LIN28A: variants seen among roughly 807,000 people sequenced by gnomAD.
LIN28A encodes lin-28 RNA binding posttranscriptional regulator A.
Under a neutral mutation model 21.1 loss-of-function variants are expected in LIN28A, and 11 were observed. The ratio of observed to expected loss-of-function variants is 0.52; its 90% confidence interval spans 0.33 to 0.86. The LOEUF is 0.86. Ranked by LOEUF, LIN28A falls within the 40% of genes least tolerant of loss-of-function variation. The pLI, the probability that LIN28A is intolerant of heterozygous loss-of-function variation, is 0.03. For synonymous variants in LIN28A, 111 were observed against 108.7 expected, an observed-to-expected ratio of 1.02 and a Z score of -0.13; for missense variants, 219 against 279.8, an observed-to-expected ratio of 0.78 and a Z score of 1.55.
chr1:26,410,877 G>T lies in LIN28A; in HGVS notation c.-15G>T. On this transcript the variant is annotated 5_prime_UTR_variant, in exon 1 of 4. Transcript: ENST00000326279. ...CCCGACCAGGGGCCCGGGGCCACGG[G>T]CTCAGCCGACGACCATGGGCTCCGT... 1 of 1,611,882 alleles carries T rather than the reference G, an allele frequency of 6.2e-7. No individual in the cohort carries two copies. The highest frequency in any genetic ancestry group is 2.2e-5 in the East Asian group (1 of 44,706).
At position 26,410,875 on chromosome 1, in the gene LIN28A, G is replaced by C. The variant is rs1227236111; in HGVS notation, c.-17G>C. The C allele has an allele frequency of 6.2e-6, 10 of 1,611,916 alleles. No homozygotes were observed. Among genetic ancestry groups the C allele is most frequent in the African/African-American group, 1.3e-5 (1 of 74,860 alleles). ...CGCCCGACCAGGGGCCCGGGGCCAC[G>C]GGCTCAGCCGACGACCATGGGCTCC... On this transcript the variant is annotated 5_prime_UTR_variant, in exon 1 of 4. Coordinates refer to ENST00000326279, the MANE Select transcript of LIN28A (RefSeq NM_024674.6).
At chr1:26,423,044 C>G (rs2075036317) in intron 2 of LIN28A, among the ~76,000 whole-genome samples, 1 of 151,450 alleles carries the variant, frequency 6.6e-6, no homozygotes, top group South Asian at 2.1e-4. Context: ...GTGATGCTCC[C>G]ACCTCTGCTG....
intron 2 of LIN28A, among the ~76,000 whole-genome samples, chr1:26,419,538 T>TA (rs1203468994): frequency 6.6e-6 from 1 of 152,124 alleles, no homozygotes; most frequent in Non-Finnish European, 1.5e-5. Context: ...TATAGCTAGT[T>TA]AGGATAAAAC....
chr1:26,417,166 A>T (rs148230156), intron 2 of LIN28A, among the ~76,000 whole-genome samples: 2,134 of 152,308 alleles, frequency 0.014, 40 homozygotes, highest in African/African-American at 0.048. Context: ...ACCTCCTGGT[A>T]TAGGCGCCCT....
At position 26,426,368 on chromosome 1, in the gene LIN28A, G is replaced by C. The variant is rs2075059533; in HGVS notation, c.540G>C (p.Gln180His). 1.9e-6 allele frequency: 3 copies of C among 1,614,204 alleles called. No individual in the cohort carries two copies. Among genetic ancestry groups the C allele is most frequent in the Non-Finnish European group, 2.5e-6 (3 of 1,180,012 alleles). The change falls in exon 4 of 4, where the codon CAG (glutamine) becomes CAC (histidine). Residue 180 changes from glutamine (Q) to histidine (H), a missense_variant. Gln to His is a conservative substitution (Grantham distance 24, BLOSUM62 0). Coordinates refer to ENST00000326279, the MANE Select transcript of LIN28A (RefSeq NM_024674.6). ...MVASCPLKAQ[Q>H]GPSAQGKPTY... ...CCTCATGTCCGCTGAAGGCCCAGCA[G>C]GGCCCTAGTGCACAGGGAAAGCCAA...
Position 26,410,973 on chromosome 1 carries a change from G to GA in LIN28A, c.31+52dup, listed in dbSNP as rs754991391. 28 of 1,585,742 alleles carry GA rather than the reference G, an allele frequency of 1.8e-5. 1 individual carries two copies. In the South Asian group the frequency reaches 3.1e-4, roughly 17 times the overall value. On this transcript the variant is annotated intron_variant, in intron 1 of 3. Coordinates refer to ENST00000326279, the MANE Select transcript of LIN28A (RefSeq NM_024674.6). ...CACTTTAGGATTCAGGGGCGGCCAG[G>GA]AGCCACGTAGAAGGGAGGTGGGGAA...
At chr1:26,423,503 G>A (rs748890471) in intron 2 of LIN28A, among the ~76,000 whole-genome samples, 9 of 129,290 alleles carry the variant, frequency 7.0e-5, no homozygotes, top group South Asian at 2.5e-4. Context: ...TCCGCCTCCC[G>A]GGTTCAAGTG....
At position 26,425,318 on chromosome 1, in the gene LIN28A, G is replaced by A; in HGVS notation, c.244G>A (p.Glu82Lys). The A allele has an allele frequency of 1.2e-6, 2 of 1,613,438 alleles. No homozygotes were observed. Among genetic ancestry groups the A allele is most frequent in the Non-Finnish European group, 1.7e-6 (2 of 1,179,904 alleles). Residue 82 changes from glutamate to lysine, a missense_variant, in exon 3 of 4, where the codon GAA (glutamate) becomes AAA (lysine). By Grantham distance (56) the Glu-to-Lys change is moderately conservative (BLOSUM62 1). Transcript: ENST00000326279. ...CCTTCACCAGAGTAAGCTGCACATGGAAGGGTTCCGGAGCTTGAAGGAGGG... is the reference window on the plus strand; with the variant it reads ...CCTTCACCAGAGTAAGCTGCACATGAAAGGGTTCCGGAGCTTGAAGGAGGG... ...VFVHQSKLHM[E>K]GFRSLKEGEA...
intron 2 of LIN28A, 101 bp from the exon 3 acceptor site, chr1:26,425,202 A>G (rs2075051610): frequency 8.8e-7 from 1 of 1,131,712 alleles, no homozygotes; most frequent in Non-Finnish European, 1.3e-6. Context: ...AAATAGGAGT[A>G]CCATCACATT....
intron 2 of LIN28A, among the ~76,000 whole-genome samples, chr1:26,421,376 A>G (rs1385389123): frequency 6.6e-6 from 1 of 152,154 alleles, no homozygotes; most frequent in African/African-American, 2.4e-5. Context: ...CTTCAAATAC[A>G]CCAGTAGGTT....
rs1304542318 is a variant in LIN28A, at chr1:26,429,358, AC to A, written c.*2901del. ...AGGAACTTTTATGCAGGTGCTAGAAACTTTATGTCAAAGTGGCCACAAGATT... is the reference window on the plus strand; with the variant it reads ...AGGAACTTTTATGCAGGTGCTAGAAATTTATGTCAAAGTGGCCACAAGATT... On this transcript the variant is annotated 3_prime_UTR_variant, in exon 4 of 4. Coordinates refer to ENST00000326279, the MANE Select transcript of LIN28A (RefSeq NM_024674.6). 1 of 152,646 alleles carries A rather than the reference AC, an allele frequency of 6.6e-6. No individual in the cohort carries two copies. The highest frequency in any genetic ancestry group is 2.4e-5 in the African/African-American group (1 of 41,456). The allele number at this position is 152,646 out of a possible 1,614,324, so 9.5% of individuals were successfully genotyped here. A position where few individuals can be genotyped will look rare whatever the true frequency, so the allele number is the denominator to read the frequency against.
chr1:26,426,620 G>A lies in LIN28A; in HGVS notation c.*162G>A. 1 of 634,696 alleles carries A rather than the reference G, an allele frequency of 1.6e-6. No individual in the cohort carries two copies. The highest frequency in any genetic ancestry group is 2.8e-6 in the Non-Finnish European group (1 of 354,502). The allele number at this position is 634,696 out of a possible 1,614,324, so 39.3% of individuals were successfully genotyped here. On this transcript the variant is annotated 3_prime_UTR_variant, in exon 4 of 4. Coordinates refer to ENST00000326279, the MANE Select transcript of LIN28A (RefSeq NM_024674.6). ...TTTCTTCCCTCTAGGTGGGGGGAAA[G>A]GGTGAGTCAAAGGAACTCCAACCAT...
At chr1:26,419,104 G>T (rs902735066) in intron 2 of LIN28A, among the ~76,000 whole-genome samples, 1 of 151,924 alleles carries the variant, frequency 6.6e-6, no homozygotes, top group Non-Finnish European at 1.5e-5. Flanking sequence ...GCGGGGCCCT[G>T]CTTTGTGTGT....
chr1:26,414,544 A>G (rs2074982489), intron 2 of LIN28A, among the ~76,000 whole-genome samples: 1 of 152,218 alleles, frequency 6.6e-6, no homozygotes, highest in African/African-American at 2.4e-5. Flanking sequence ...CCCCAGCCAA[A>G]AACTAAGCAA....
At position 26,411,631 on chromosome 1, in the gene LIN28A, C is replaced by T. The variant is rs4623750; in HGVS notation, c.228+49C>T. On this transcript the variant is annotated intron_variant, in intron 2 of 3. Transcript: ENST00000326279. This position sits in a 1 kb window ranked among gnomAD's most constrained non-coding sequence, Gnocchi z 5.4. ...GCCCAGGGAAGGGCGTCTAGGCGCC[C>T]ATATCCACGGGTGGGCTCCGGGCTC... The T allele has an allele frequency of 6.0e-3, 9,399 of 1,577,236 alleles. 355 individuals are homozygous for T. In the East Asian group the frequency reaches 0.085, roughly 14 times the overall value.
chr1:26,427,421 C>G lies in LIN28A; in HGVS notation c.*963C>G, dbSNP rs2075066447. 6.6e-6 allele frequency: 1 copy of G among 152,634 alleles called. No individual in the cohort carries two copies. Among genetic ancestry groups the G allele is most frequent in the African/African-American group, 2.4e-5 (1 of 41,438 alleles). 9.5% of individuals were successfully genotyped at this position (152,634 alleles called of 1,614,324 possible). The stretch of plus-strand genomic sequence containing the variant: ...CTGCCATAGTGTCCTCTTGAAACCC[C>G]CTCTGCCTTGAAAATGTTTTATGGG... On this transcript the variant is annotated 3_prime_UTR_variant, in exon 4 of 4. Coordinates refer to ENST00000326279, the MANE Select transcript of LIN28A (RefSeq NM_024674.6).
At position 26,426,858 on chromosome 1, in the gene LIN28A, A is replaced by G. The variant is rs2075062748; in HGVS notation, c.*400A>G. On this transcript the variant is annotated 3_prime_UTR_variant, in exon 4 of 4. Transcript: ENST00000326279. ...AAGACCAGATTCATGGAGCCAAGCC[A>G]CTACATTCTGTGGAAGGAGATCTCT... The G allele has an allele frequency of 5.2e-6, 1 of 191,828 alleles. No homozygotes were observed. The highest frequency in any genetic ancestry group is 1.0e-4 in the South Asian group (1 of 9,760). The allele number at this position is 191,828 out of a possible 1,614,324, so 11.9% of individuals were successfully genotyped here.
In LIN28A at chr1:26,411,500, T is replaced by A. The variant is rs751313710; in HGVS notation, c.146T>A (p.Val49Glu). 1.1e-5 allele frequency: 17 copies of A among 1,614,010 alleles called. No individual in the cohort carries two copies. The highest frequency in any genetic ancestry group is 8.5e-7 in the Non-Finnish European group (1 of 1,179,996). ...HGAGICKWFN[V>E]RMGFGFLSMT... ...GCGGGCATCTGTAAGTGGTTCAACG[T>A]GCGCATGGGGTTCGGCTTCCTGTCC... The change falls in exon 2 of 4, where the codon GTG (valine) becomes GAG (glutamate). Residue 49 changes from valine to glutamate, a missense_variant. Transcript: ENST00000326279. The surrounding 1 kb of genome is among the most constrained non-coding windows in gnomAD (Gnocchi z 5.4).
intron 2 of LIN28A, among the ~76,000 whole-genome samples, chr1:26,421,414 A>G (rs2075028176): frequency 6.6e-6 from 1 of 152,194 alleles, no homozygotes. Flanking sequence ...AGCAACAATG[A>G]GATACTGAGT....
Sources: gnomAD v4.1 joint callset for allele counts (sites outside exome capture counted in the v4.1 genomes callset) on GRCh38, gnomAD v4.1.1 for gene constraint, Gnocchi (gnomAD v3.1) non-coding constraint, MANE v1.5 for transcripts, NCBI Gene and HGNC (gene_info 2026-07-23, HGNC 2026-07-21) for gene names.